The following SEMA6A variants were observed in gnomAD, a reference collection of about 807,000 sequenced individuals.
The protein encoded by SEMA6A is semaphorin 6A, also known as semaphorin-6A.
A neutral mutation model predicts 96.8 loss-of-function variants in SEMA6A; 25 were observed. The observed-to-expected ratio is 0.26, with a 90% CI of 0.19 to 0.36. The LOEUF is 0.36. Ranked by LOEUF, SEMA6A falls within the 10% of genes least tolerant of loss-of-function variation. SEMA6A has a pLI of 1.00. For missense variants in SEMA6A, 1,363 were observed against 1,323.1 expected, an observed-to-expected ratio of 1.03 and a Z score of -0.47; for synonymous variants, 612 against 518.0, an observed-to-expected ratio of 1.18 and a Z score of -2.46.
chr5:116,465,525 G>T (rs150247064), intron 18 of SEMA6A, among the ~76,000 whole-genome samples: 1 of 152,144 alleles, frequency 6.6e-6, no homozygotes, highest in African/African-American at 2.4e-5. Flanking sequence ...ACTAGCACAA[G>T]AACAGTGATC....
chr5:116,453,353 G>A (rs1225724657), intron 18 of SEMA6A, among the ~76,000 whole-genome samples: 1 of 152,142 alleles, frequency 6.6e-6, no homozygotes, highest in Non-Finnish European at 1.5e-5. Flanking sequence ...TCCTTCTAAA[G>A]TGTCCCCAGA....
chr5:116,469,670 G>C (rs1208850153), intron 17 of SEMA6A: 1 of 152,212 alleles, frequency 6.6e-6, no homozygotes, highest in African/African-American at 2.4e-5. Context: ...GTGTTCAAGA[G>C]GCAATTTTAT....
At chr5:116,461,170 A>C (rs555561678) in intron 18 of SEMA6A, among the ~76,000 whole-genome samples, 2 of 152,174 alleles carry the variant, frequency 1.3e-5, no homozygotes, top group Non-Finnish European at 2.9e-5. Context: ...TCTAACCTTC[A>C]AAATCAGAAA....
intron 6 of SEMA6A, among the ~76,000 whole-genome samples, chr5:116,494,110 T>C (rs968807052): frequency 6.6e-6 from 1 of 152,026 alleles, no homozygotes; most frequent in Non-Finnish European, 1.5e-5. Flanking sequence ...TCCTACCGGT[T>C]TGGTTTTATC....
At chr5:116,467,870 A>T in intron 17 of SEMA6A, 123 bp from the exon 18 acceptor site, 2 of 817,814 alleles carry the variant, frequency 2.4e-6, no homozygotes, top group Non-Finnish European at 1.9e-6. Context: ...GGCCCTAGAA[A>T]TGACACGGCT....
chr5:116,521,909 A>G (rs1307578125), intron 1 of SEMA6A, among the ~76,000 whole-genome samples: 1 of 152,232 alleles, frequency 6.6e-6, no homozygotes. Flanking sequence ...TATGTGTAAA[A>G]TCCTCATTAG....
At chr5:116,564,865 C>G (rs773623315) in intron 1 of SEMA6A, among the ~76,000 whole-genome samples, 7 of 152,192 alleles carry the variant, frequency 4.6e-5, no homozygotes, top group Admixed American at 6.5e-5. Context: ...CAATGAGTGT[C>G]AAGTGTAAAA....
intron 1 of SEMA6A, among the ~76,000 whole-genome samples, chr5:116,541,920 CGTAAGTTCTTT>C (rs2112864726): frequency 6.6e-6 from 1 of 152,260 alleles, no homozygotes; most frequent in East Asian, 1.9e-4. Flanking sequence ...AGAAAAAGAA[CGTAAGTTCTTT>C]AAGATGCTTT....
chr5:116,573,118 C>T (rs1461485251), intron 1 of SEMA6A, among the ~76,000 whole-genome samples: 1 of 152,202 alleles, frequency 6.6e-6, no homozygotes, highest in East Asian at 1.9e-4. Flanking sequence ...CGCGGAGAAT[C>T]GGGACAAGAG....
At chr5:116,457,628 A>G (rs1755098088) in intron 18 of SEMA6A, among the ~76,000 whole-genome samples, 1 of 152,208 alleles carries the variant, frequency 6.6e-6, no homozygotes, top group African/African-American at 2.4e-5. Flanking sequence ...ATTAAGGGTG[A>G]CAAACCTTCA....
intron 6 of SEMA6A, among the ~76,000 whole-genome samples, chr5:116,493,080 G>T (rs957273005): frequency 6.6e-6 from 1 of 152,202 alleles, no homozygotes; most frequent in Non-Finnish European, 1.5e-5. Flanking sequence ...AGAGGCCTGG[G>T]CTACTGGAGC....
Position 116,475,621 on chromosome 5 carries a change from GA to G in SEMA6A, c.1650-19del. 6.4e-7 allele frequency: 1 copy of G among 1,570,016 alleles called. No individual in the cohort carries two copies. The highest frequency in any genetic ancestry group is 1.2e-5 in the South Asian group (1 of 85,918). On this transcript the variant is annotated intron_variant, in intron 15 of 18. Coordinates refer to ENST00000343348, the MANE Select transcript of SEMA6A (RefSeq NM_020796.5). ...AAGTCAGTCTTTTAAAAAAGGAAGGGAAAGAGAGACAGAAATGAATACAATA... is the reference window on the plus strand; with the variant it reads ...AAGTCAGTCTTTTAAAAAAGGAAGGGAAGAGAGACAGAAATGAATACAATA...
chr5:116,531,492 T>C (rs930925949), intron 1 of SEMA6A, among the ~76,000 whole-genome samples: 2 of 152,110 alleles, frequency 1.3e-5, no homozygotes, highest in Non-Finnish European at 2.9e-5. Context: ...CCTAAAAACA[T>C]TCAAAATCTG....
At chr5:116,468,563 A>G (rs998649731) in intron 17 of SEMA6A, 4 of 152,246 alleles carry the variant, frequency 2.6e-5, no homozygotes, top group Non-Finnish European at 2.9e-5. Context: ...AAGAATGGCT[A>G]GGTTGAGAGT....
rs78086366 is a variant in SEMA6A, at chr5:116,538,466, C to T, written c.-38-33484G>A. On this transcript the variant is annotated intron_variant, in intron 1 of 18. Transcript: ENST00000343348. ...CTGAGATGACAGACTCACGTGGAGC[C>T]ACCTCAGTGTGCTGGGATAATGAAT... 3.0e-4 allele frequency among the ~76,000 whole-genome samples: 46 copies of T among 152,264 alleles called. No individual in the cohort carries two copies. In the East Asian group the frequency reaches 8.5e-3, roughly 28 times the overall value.
In SEMA6A at chr5:116,473,511, A is replaced by G. The variant is rs144852907; in HGVS notation, c.1709-418T>C. Among the ~76,000 whole-genome samples the G allele has an allele frequency of 2.6e-4, 40 of 152,326 alleles. No homozygotes were observed. The East Asian group carries it at 6.4e-3, about 24-fold the overall frequency. On this transcript the variant is annotated intron_variant, in intron 16 of 18. Transcript: ENST00000343348. Reference sequence around the variant, plus strand: ...ACTTCATCCTCACAACCATGCTGTGAGAAACTGTCCAGTGTTACAGTGTTC... The same window carrying G: ...ACTTCATCCTCACAACCATGCTGTGGGAAACTGTCCAGTGTTACAGTGTTC...
chr5:116,558,460 T>G (rs1428217161), intron 1 of SEMA6A, among the ~76,000 whole-genome samples: 12 of 9,522 alleles, frequency 1.3e-3, no homozygotes, highest in South Asian at 4.3e-3. Context: ...TTTTTTTTTT[T>G]TTTTTTTTTT....
At chr5:116,565,338 T>C (rs1192801016) in intron 1 of SEMA6A, among the ~76,000 whole-genome samples, 2 of 152,130 alleles carry the variant, frequency 1.3e-5, no homozygotes, top group African/African-American at 2.4e-5. Flanking sequence ...CCCTAGTATA[T>C]CTCAAACCTT....
intron 17 of SEMA6A, chr5:116,469,326 G>T (rs1192066225): frequency 1.3e-5 from 2 of 152,260 alleles, no homozygotes; most frequent in Non-Finnish European, 1.5e-5. Context: ...ACATTTCTGA[G>T]GTTCACATCT....
Sources: allele counts gnomAD v4.1 joint callset (sites outside exome capture counted in the v4.1 genomes callset), GRCh38; gene constraint gnomAD v4.1.1; transcripts MANE v1.5; gene names NCBI Gene and HGNC (gene_info 2026-07-23, HGNC 2026-07-21).